MDGA2: variants seen among roughly 807,000 people sequenced by gnomAD.
The protein encoded by MDGA2 is MAM domain containing glycosylphosphatidylinositol anchor 2, also known as MAM domain-containing glycosylphosphatidylinositol anchor protein 2.
In MDGA2, 40 loss-of-function variants were observed where a neutral mutation model predicts 117.8. That is an observed-to-expected ratio of 0.34 (90% confidence interval 0.26 to 0.44). MDGA2 has a LOEUF of 0.44. Among genes scored for constraint, MDGA2 ranks in the 20% least tolerant of loss-of-function variants. The pLI, the probability that MDGA2 is intolerant of heterozygous loss-of-function variation, is 1.00. For synonymous variants in MDGA2, 452 were observed against 439.0 expected (o/e 1.03, Z -0.37); for missense variants, 1,123 against 1,250.6 (o/e 0.90, Z 1.54).
intron 1 of MDGA2, among the ~76,000 whole-genome samples, chr14:47,378,375 T>G (rs1375916786): frequency 6.6e-6 from 1 of 152,166 alleles, no homozygotes; most frequent in Non-Finnish European, 1.5e-5. Flanking sequence ...TTTGATGAGT[T>G]GAGTGAATAA....
chr14:47,358,346 A>G (rs1236001440), intron 1 of MDGA2, among the ~76,000 whole-genome samples: 1 of 152,150 alleles, frequency 6.6e-6, no homozygotes, highest in Admixed American at 6.5e-5. Flanking sequence ...TGTACTTGTT[A>G]AAAGTAATAA....
intron 3 of MDGA2, among the ~76,000 whole-genome samples, chr14:47,175,488 G>C (rs1016875463): frequency 2.3e-4 from 35 of 149,628 alleles, no homozygotes; most frequent in South Asian, 2.1e-4. Context: ...TGCAAGGCTG[G>C]TTCAATATAC....
chr14:47,149,336 T>C (rs1883073622), intron 3 of MDGA2, among the ~76,000 whole-genome samples: 1 of 151,960 alleles, frequency 6.6e-6, no homozygotes, highest in Non-Finnish European at 1.5e-5. Flanking sequence ...CCTTTTCTTG[T>C]GACAACTAAG....
At chr14:47,303,841 C>T (rs2139819505) in intron 1 of MDGA2, among the ~76,000 whole-genome samples, 1 of 152,102 alleles carries the variant, frequency 6.6e-6, no homozygotes, top group East Asian at 1.9e-4. Flanking sequence ...GTTTTAATTT[C>T]AAATCAATGC....
At chr14:47,625,542 C>G (rs2138937270) in intron 1 of MDGA2, among the ~76,000 whole-genome samples, 1 of 152,194 alleles carries the variant, frequency 6.6e-6, no homozygotes, top group African/African-American at 2.4e-5. Flanking sequence ...AAAATTGCCC[C>G]ATGACTTTGG....
Position 46,920,008 on chromosome 14 carries a change from T to C in MDGA2, c.2238+4A>G. Reference sequence around the variant, plus strand: ...GAAAAAAGGACATCAGTTAGATTTCTCACCTGCCTGATGCCCAACCGGTAT... The same window carrying C: ...GAAAAAAGGACATCAGTTAGATTTCCCACCTGCCTGATGCCCAACCGGTAT... On this transcript the variant is annotated splice_donor_region_variant and intron_variant, in intron 10 of 16. Transcript: ENST00000399232. 6.4e-7 allele frequency: 1 copy of C among 1,568,396 alleles called. No homozygotes were observed. Among genetic ancestry groups the C allele is most frequent in the Non-Finnish European group, 8.6e-7 (1 of 1,162,000 alleles).
At chr14:46,842,632 T>C (rs1024904599) in intron 16 of MDGA2, among the ~76,000 whole-genome samples, 9 of 152,218 alleles carry the variant, frequency 5.9e-5, no homozygotes, top group Admixed American at 2.0e-4. Flanking sequence ...CCTACTGTAA[T>C]TGGGATTTCT....
At chr14:47,123,485 T>C (rs1300957801) in intron 5 of MDGA2, among the ~76,000 whole-genome samples, 1 of 152,070 alleles carries the variant, frequency 6.6e-6, no homozygotes, top group Non-Finnish European at 1.5e-5. Flanking sequence ...ATAGGTCATA[T>C]ATGTGCTTGA....
At chr14:47,013,661 C>T (rs1031264270) in intron 8 of MDGA2, among the ~76,000 whole-genome samples, 2 of 150,282 alleles carry the variant, frequency 1.3e-5, no homozygotes, top group Non-Finnish European at 3.0e-5. Context: ...ATAGTTATAA[C>T]CTTATAAAAT....
chr14:47,387,232 T>G (rs1891780968), intron 1 of MDGA2, among the ~76,000 whole-genome samples: 1 of 152,154 alleles, frequency 6.6e-6, no homozygotes. Flanking sequence ...ATCAGCATCC[T>G]TTCTTCAGTT....
At chr14:46,928,810 A>G (rs1884428701) in intron 9 of MDGA2, among the ~76,000 whole-genome samples, 1 of 152,124 alleles carries the variant, frequency 6.6e-6, no homozygotes, top group Non-Finnish European at 1.5e-5. Flanking sequence ...AGTACTTAGC[A>G]TTTAATTACA....
At chr14:47,577,156 G>T (rs1896131304) in intron 1 of MDGA2, among the ~76,000 whole-genome samples, 1 of 152,042 alleles carries the variant, frequency 6.6e-6, no homozygotes. Flanking sequence ...GTAAAGAGTA[G>T]AAATAAGCTG....
chr14:46,877,778 T>C (rs139363107), intron 11 of MDGA2, among the ~76,000 whole-genome samples: 1 of 151,990 alleles, frequency 6.6e-6, no homozygotes, highest in African/African-American at 2.4e-5. Context: ...TTTCAAGGTA[T>C]AGAGTTTCTG....
At chr14:47,104,091 G>C (rs1208372050) in intron 5 of MDGA2, among the ~76,000 whole-genome samples, 1 of 152,184 alleles carries the variant, frequency 6.6e-6, no homozygotes, top group African/African-American at 2.4e-5. Flanking sequence ...AGGCTTGACT[G>C]GGATATTTAT....
intron 1 of MDGA2, chr14:47,343,201 G>C: frequency 8.9e-7 from 1 of 1,129,548 alleles, no homozygotes. Context: ...GCTATTAAAA[G>C]GAATGGTGAT....
chr14:47,102,486 G>A (rs1880395439), intron 5 of MDGA2, among the ~76,000 whole-genome samples: 1 of 151,954 alleles, frequency 6.6e-6, no homozygotes, highest in African/African-American at 2.4e-5. Flanking sequence ...ATCTGCTTTA[G>A]TTTGAAAGCA....
intron 5 of MDGA2, among the ~76,000 whole-genome samples, chr14:47,129,537 T>C (rs1243211578): frequency 1.3e-5 from 2 of 148,320 alleles, no homozygotes; most frequent in Non-Finnish European, 3.0e-5. Flanking sequence ...TTGTGAATAA[T>C]GCCGCAATAA....
intron 12 of MDGA2, among the ~76,000 whole-genome samples, chr14:46,874,532 G>A (rs1443566560): frequency 1.3e-5 from 2 of 151,608 alleles, no homozygotes; most frequent in African/African-American, 4.8e-5. Flanking sequence ...CATTTTGTCA[G>A]TATAGAAACA....
chr14:47,517,384 A>G (rs10483568), intron 1 of MDGA2, among the ~76,000 whole-genome samples: 17,733 of 152,192 alleles, frequency 0.12, 1,254 homozygotes, highest in Non-Finnish European at 0.14. Context: ...CACTCATAGC[A>G]AAAGTACAAA....
Sources: allele counts gnomAD v4.1 joint callset (sites outside exome capture counted in the v4.1 genomes callset), GRCh38; gene constraint gnomAD v4.1.1; transcripts MANE v1.5; gene names NCBI Gene and HGNC (gene_info 2026-07-23, HGNC 2026-07-21).